The following MAPK6 variants were observed in gnomAD, a reference collection of about 807,000 sequenced individuals.
MAPK6 encodes the protein mitogen-activated protein kinase 6.
MAPK6 carries 19 observed loss-of-function variants against 59.3 expected under a neutral mutation model. The observed-to-expected ratio is 0.32, with a 90% CI of 0.22 to 0.47. The LOEUF (loss-of-function observed/expected upper bound fraction) is 0.47. MAPK6 is among the 20% of genes least tolerant of loss of function. MAPK6 has a pLI of 1.00. For missense variants in MAPK6, 724 were observed against 847.9 expected, an observed-to-expected ratio of 0.85 and a Z score of 1.81; for synonymous variants, 316 against 290.3, an observed-to-expected ratio of 1.09 and a Z score of -0.90.
upstream of MAPK6, among the ~76,000 whole-genome samples, chr15:52,016,153 C>T (rs1042446596): frequency 6.7e-6 from 1 of 148,456 alleles, no homozygotes; most frequent in Non-Finnish European, 1.5e-5. Flanking sequence ...GTAATCCCAG[C>T]ACTTTGGGAG....
intron 2 of MAPK6, among the ~76,000 whole-genome samples, chr15:52,001,757 C>T (rs965434560): frequency 1.3e-5 from 2 of 152,142 alleles, no homozygotes; most frequent in Admixed American, 1.3e-4. Flanking sequence ...GATCTGCCCA[C>T]CTCAGCCTCC....
intron 1 of MAPK6, chr15:52,033,894 G>C (rs967125210): frequency 6.6e-6 from 1 of 150,904 alleles, no homozygotes; most frequent in African/African-American, 2.4e-5. Flanking sequence ...TGTTTCTAGT[G>C]ATAAATCAGC....
intron 1 of MAPK6, among the ~76,000 whole-genome samples, chr15:51,980,423 T>A (rs2057169731): frequency 1.3e-5 from 2 of 150,646 alleles, no homozygotes; most frequent in South Asian, 4.2e-4. Context: ...CATGTATTTG[T>A]TTTAGAATAA....
rs1293063988 is a variant in MAPK6 at position 52,064,048 on chromosome 15, A to G, written c.1214A>G (p.Asp405Gly). 4.3e-6 allele frequency: 7 copies of G among 1,613,680 alleles called. No individual in the cohort carries two copies. The highest frequency in any genetic ancestry group is 2.7e-5 in the African/African-American group (2 of 74,916). The change falls in exon 6 of 6, where the codon GAT becomes GGT. Residue 405 changes from aspartate to glycine, a missense_variant. By Grantham distance (94) the Asp-to-Gly change is moderately conservative. Coordinates refer to ENST00000261845, the MANE Select transcript of MAPK6 (RefSeq NM_002748.4). ...QVDPRKYLDG[D>G]REKYLEDPAF... is the part of the protein sequence containing the mutation. ...GATCCCCGAAAATATTTGGATGGAGATCGGGAAAAGTATCTGGAGGATCCT... is the reference window on the plus strand; with the variant it reads ...GATCCCCGAAAATATTTGGATGGAGGTCGGGAAAAGTATCTGGAGGATCCT...
At chr15:51,985,524 G>T (rs928149396) in intron 2 of MAPK6, among the ~76,000 whole-genome samples, 1 of 150,412 alleles carries the variant, frequency 6.6e-6, no homozygotes, top group Non-Finnish European at 1.5e-5. Flanking sequence ...GTGTGGTGGC[G>T]CATGCTTGTA....
At chr15:52,016,066 G>GCACACACACA (rs926833047), upstream of MAPK6, among the ~76,000 whole-genome samples, 4 of 44,400 alleles carry the variant, frequency 9.0e-5, no homozygotes, top group Admixed American at 5.0e-4. Flanking sequence ...GCGCGCGCGC[G>GCACACACACA]CGCGCACACA....
At chr15:51,987,762 CT>C (rs775968493) in intron 2 of MAPK6, among the ~76,000 whole-genome samples, 2,913 of 125,410 alleles carry the variant, frequency 0.023, 43 homozygotes, top group African/African-American at 0.089. Flanking sequence ...GCTCATAGTA[CT>C]TTTTTTTTTT....
At chr15:52,018,625 G>A (rs1487424439), upstream of MAPK6, 1 of 152,246 alleles carries the variant, frequency 6.6e-6, no homozygotes, top group Non-Finnish European at 1.5e-5. Context: ...AATTCAAATT[G>A]TCCTATCCCA....
intron 5 of MAPK6, among the ~76,000 whole-genome samples, chr15:52,062,967 T>A (rs2032263289): frequency 6.6e-6 from 1 of 152,076 alleles, no homozygotes; most frequent in African/African-American, 2.4e-5. Flanking sequence ...TAAGAAGAAA[T>A]TTTTTTCCCC....
chr15:51,996,661 A>G (rs1346611649), intron 2 of MAPK6, among the ~76,000 whole-genome samples: 1 of 151,696 alleles, frequency 6.6e-6, no homozygotes, highest in Non-Finnish European at 1.5e-5. Flanking sequence ...CTCCCAAAGC[A>G]CTAAGACTAC....
At chr15:52,026,516 T>C (rs963499205) in intron 1 of MAPK6, among the ~76,000 whole-genome samples, 2 of 152,064 alleles carry the variant, frequency 1.3e-5, no homozygotes, top group East Asian at 3.9e-4. Flanking sequence ...GGTCTTGAAC[T>C]CCTGACCTCA....
intron 3 of MAPK6, among the ~76,000 whole-genome samples, chr15:52,056,372 C>A (rs1215677265): frequency 6.6e-6 from 1 of 152,174 alleles, no homozygotes; most frequent in Non-Finnish European, 1.5e-5. Context: ...ATAATCTGTC[C>A]TGACCCCACA....
At chr15:52,035,398 G>T (rs1183239900) in intron 1 of MAPK6, among the ~76,000 whole-genome samples, 1 of 152,194 alleles carries the variant, frequency 6.6e-6, no homozygotes, top group Non-Finnish European at 1.5e-5. Context: ...GCTTTGGGAG[G>T]CCGAGGCGGG....
At chr15:52,060,546 A>G (rs1267715280) in intron 4 of MAPK6, among the ~76,000 whole-genome samples, 2 of 152,184 alleles carry the variant, frequency 1.3e-5, no homozygotes, top group African/African-American at 4.8e-5. Context: ...CAGGGAGCAG[A>G]GAGAGTAGAT....
rs2030388983 is a variant in MAPK6 at position 52,019,262 on chromosome 15, T to G, written c.-746T>G. On this transcript the variant is annotated 5_prime_UTR_variant, in exon 1 of 6. Coordinates refer to ENST00000261845, the MANE Select transcript of MAPK6 (RefSeq NM_002748.4). Reference sequence around the variant, plus strand: ...CGGGTCGGGGTTACATGGCGGCGACTGCGGCAAAGCGAGAGCCTCGGAGAC... The same window carrying G: ...CGGGTCGGGGTTACATGGCGGCGACGGCGGCAAAGCGAGAGCCTCGGAGAC... The G allele has an allele frequency of 6.6e-6, 1 of 151,690 alleles. No homozygotes were observed. The highest frequency in any genetic ancestry group is 6.6e-5 in the Admixed American group (1 of 15,262). 9.4% of individuals were successfully genotyped at this position (151,690 alleles called of 1,614,324 possible).
At chr15:52,055,722 G>A (rs1430930145) in intron 3 of MAPK6, among the ~76,000 whole-genome samples, 1 of 152,086 alleles carries the variant, frequency 6.6e-6, no homozygotes, top group Non-Finnish European at 1.5e-5. Flanking sequence ...CACCATATTG[G>A]TCAGGTTGGT....
intron 3 of MAPK6, among the ~76,000 whole-genome samples, chr15:52,056,429 C>T (rs1480606157): frequency 1.3e-5 from 2 of 151,868 alleles, no homozygotes; most frequent in Non-Finnish European, 2.9e-5. Flanking sequence ...GGATGTAAAA[C>T]TTCTCAAAAG....
chr15:52,059,059 CATG>C (rs2032095323), intron 4 of MAPK6, among the ~76,000 whole-genome samples: 1 of 152,140 alleles, frequency 6.6e-6, no homozygotes, highest in Admixed American at 6.6e-5. Context: ...GGGACAAAAT[CATG>C]ATGGCATTTT....
chr15:52,042,674 G>C (rs974983474), intron 1 of MAPK6: 1 of 152,130 alleles, frequency 6.6e-6, no homozygotes, highest in Admixed American at 6.5e-5. Flanking sequence ...AGCATTATTT[G>C]TGCTTGACTA....
Sources: allele counts gnomAD v4.1 joint callset (sites outside exome capture counted in the v4.1 genomes callset), GRCh38; gene constraint gnomAD v4.1.1; transcripts MANE v1.5; gene names NCBI Gene and HGNC (gene_info 2026-07-23, HGNC 2026-07-21).